SERPINA11: variants seen among roughly 807,000 people sequenced by gnomAD.
SERPINA11 encodes serpin family A member 11.
SERPINA11 carries 28 observed loss-of-function variants against 29.4 expected under a neutral mutation model. That is an observed-to-expected ratio of 0.95 (90% CI 0.70 to 1.30). The LOEUF (loss-of-function observed/expected upper bound fraction) is 1.30, where lower values mean the gene tolerates loss of function less well. SERPINA11 is among the 50% of genes most tolerant of loss of function. The pLI is 0.00. For synonymous variants in SERPINA11, 253 were observed against 206.6 expected (o/e 1.22, Z -1.92); for missense variants, 530 against 507.3 (o/e 1.04, Z -0.43).
At chr14:94,452,441 T>G (rs542745003) in intron 1 of SERPINA11, among the ~76,000 whole-genome samples, 43 of 142,404 alleles carry the variant, frequency 3.0e-4, no homozygotes, top group African/African-American at 1.0e-3. Flanking sequence ...CTTGTCTAAC[T>G]GGCAGGAATA....
Position 94,449,509 on chromosome 14 carries a change from T to TTCTC in SERPINA11, c.-3-733_-3-732insGAGA, listed in dbSNP as rs1376198256. Among the ~76,000 whole-genome samples the TTCTC allele has an allele frequency of 1.4e-4, 18 of 128,218 alleles. 1 individual carries two copies. In the South Asian group the frequency reaches 1.9e-3, roughly 14 times the overall value. The allele number at this position is 128,218 out of a possible 152,430, so 84.1% of individuals were successfully genotyped here. A position where few individuals can be genotyped will look rare whatever the true frequency, so the allele number is the denominator to read the frequency against. ...TCTGTCTGTCTTTCTTTCTCTTTCT[T>TTCTC]TTTCTTTCTTTCTTTCTTTTTCTTT... On this transcript the variant is annotated intron_variant, in intron 1 of 4. Coordinates refer to ENST00000334708, the MANE Select transcript of SERPINA11 (RefSeq NM_001080451.2).
intron 3 of SERPINA11, among the ~76,000 whole-genome samples, chr14:94,445,611 C>A (rs1412458222): frequency 6.6e-6 from 1 of 152,072 alleles, no homozygotes; most frequent in Non-Finnish European, 1.5e-5. Flanking sequence ...CTTTGTTGCC[C>A]AGACTGGAGT....
intron 1 of SERPINA11, among the ~76,000 whole-genome samples, chr14:94,451,284 G>A (rs1296615326): frequency 6.6e-6 from 1 of 152,202 alleles, no homozygotes; most frequent in Non-Finnish European, 1.5e-5. Flanking sequence ...CTGCTATGTT[G>A]AAATGCGTTT....
In SERPINA11 at chr14:94,442,492, G is replaced by T. The variant is rs1437103254; in HGVS notation, c.*114C>A. The T allele has an allele frequency of 4.1e-6, 3 of 727,556 alleles. No homozygotes were observed. Among genetic ancestry groups the T allele is most frequent in the Non-Finnish European group, 6.8e-6 (3 of 443,436 alleles). The allele number at this position is 727,556 out of a possible 1,614,324, so 45.1% of individuals were successfully genotyped here. ...ACAGAACCCAAGGTCAACTTTATTA[G>T]AATCTTGGCACACTGATTAACTGAA... On this transcript the variant is annotated 3_prime_UTR_variant, in exon 5 of 5. Coordinates refer to ENST00000334708, the MANE Select transcript of SERPINA11 (RefSeq NM_001080451.2).
chr14:94,443,028 C>T (rs368118035), intron 4 of SERPINA11, 50 bp downstream of exon 4: 3 of 1,566,386 alleles, frequency 1.9e-6, no homozygotes, highest in South Asian at 2.4e-5. Flanking sequence ...AAAGGAGAAA[C>T]CTCCTACCTA....
In SERPINA11 at chr14:94,446,405, C is replaced by A; in HGVS notation, c.843G>T (p.Pro281=). The change falls in exon 3 of 5, where the codon CCG becomes CCT. Residue 281 remains proline (P), a synonymous_variant. Transcript: ENST00000334708. ...NALALLVLPD[P]GKMKQVEAAL... ...CAGCCTCCACCTGCTTCATTTTCCC[C>A]GGGTCAGGGAGGACCAGCAGCGCCA... 1 of 1,614,100 alleles carries A rather than the reference C, an allele frequency of 6.2e-7. No homozygotes were observed. The highest frequency in any genetic ancestry group is 8.5e-7 in the Non-Finnish European group (1 of 1,179,980).
intron 3 of SERPINA11, among the ~76,000 whole-genome samples, chr14:94,445,549 C>G (rs147693654): frequency 6.6e-6 from 1 of 151,978 alleles, no homozygotes; most frequent in African/African-American, 2.4e-5. Flanking sequence ...AATAGAAGCA[C>G]CCTTTAACAA....
intron 3 of SERPINA11, among the ~76,000 whole-genome samples, chr14:94,443,609 A>G (rs527709991): frequency 6.6e-6 from 1 of 152,308 alleles, no homozygotes; most frequent in South Asian, 2.1e-4. Flanking sequence ...TCCGTATCTG[A>G]TGCATCAGCA....
Position 94,446,341 on chromosome 14 carries a change from G to A in SERPINA11, c.907C>T (p.Leu303Phe), listed in dbSNP as rs1898437329. 1.9e-6 allele frequency: 3 copies of A among 1,612,958 alleles called. No homozygotes were observed. The highest frequency in any genetic ancestry group is 2.5e-6 in the Non-Finnish European group (3 of 1,179,868). ...PQTLRKWGQL[L>F]LPSLLDLHLP... ...TGCTGTGACACTTACCTGGGCAGGA[G>A]CAATTGGCCCCATTTTCTCAGGGTC... The change falls in exon 3 of 5, where the codon CTC (leucine) becomes TTC (phenylalanine). Residue 303 changes from leucine to phenylalanine, a missense_variant. Physicochemically the swap from Leu to Phe is conservative, Grantham distance 22 (BLOSUM62 0). Coordinates refer to ENST00000334708, the MANE Select transcript of SERPINA11 (RefSeq NM_001080451.2).
chr14:94,448,574 T>C lies in SERPINA11; in HGVS notation c.201A>G (p.Ala67=), dbSNP rs778640326. Residue 67 remains alanine, a synonymous_variant, in exon 2 of 5, where the codon GCA becomes GCG. Coordinates refer to ENST00000334708, the MANE Select transcript of SERPINA11 (RefSeq NM_001080451.2). ...AGAAGAAGATGTTTCCGGGGGCGTCTGCTGCCAGCTCTTTATACAAACGCA... is the reference window on the plus strand; with the variant it reads ...AGAAGAAGATGTTTCCGGGGGCGTCCGCTGCCAGCTCTTTATACAAACGCA... ...FALRLYKELA[A]DAPGNIFFSP... The C allele has an allele frequency of 2.5e-6, 4 of 1,614,192 alleles. No individual in the cohort carries two copies. Among genetic ancestry groups the C allele is most frequent in the Non-Finnish European group, 3.4e-6 (4 of 1,180,044 alleles).
intron 1 of SERPINA11, among the ~76,000 whole-genome samples, chr14:94,452,103 C>T (rs952519991): frequency 4.6e-5 from 7 of 152,166 alleles, no homozygotes; most frequent in African/African-American, 1.7e-4. Context: ...TGGGGAACAG[C>T]TGGGCTCCCG....
In SERPINA11 at chr14:94,448,517, C is replaced by T. The variant is rs1358758188; in HGVS notation, c.258G>A (p.Leu86=). 6.2e-7 allele frequency: 1 copy of T among 1,614,166 alleles called. No homozygotes were observed. The highest frequency in any genetic ancestry group is 1.1e-5 in the South Asian group (1 of 91,076). ...TGTTAGCTTGGGCCCCAAGAGAGAG[C>T]AGGGCCAGGGTGGTGGAGATGCTCA... is the stretch of plus-strand genomic sequence containing the variant. ...SPVSISTTLA[L]LSLGAQANTS... The change falls in exon 2 of 5, where the codon CTG becomes CTA. Residue 86 remains leucine (L), a synonymous_variant. Coordinates refer to ENST00000334708, the MANE Select transcript of SERPINA11 (RefSeq NM_001080451.2).
At chr14:94,447,763 G>T (rs1898474343) in intron 2 of SERPINA11, among the ~76,000 whole-genome samples, 1 of 152,022 alleles carries the variant, frequency 6.6e-6, no homozygotes, top group African/African-American at 2.4e-5. Context: ...AGATATGCTA[G>T]TTTTTTTCAA....
At chr14:94,446,630 A>G (rs756666965) in intron 2 of SERPINA11, 26 bp from the exon 3 acceptor site, 3 of 1,595,166 alleles carry the variant, frequency 1.9e-6, no homozygotes, top group Non-Finnish European at 2.6e-6. Flanking sequence ...CCATAAGGCC[A>G]TGAGAACTCT....
In SERPINA11 at chr14:94,449,465, CTT is replaced by C. The variant is rs766309359; in HGVS notation, c.-3-690_-3-689del. 1.5e-3 allele frequency among the ~76,000 whole-genome samples: 170 copies of C among 110,652 alleles called. 7 individuals are homozygous for C. Among genetic ancestry groups the C allele is most frequent in the Middle Eastern group, 8.2e-3 (2 of 244 alleles). 72.6% of individuals were successfully genotyped at this position (110,652 alleles called of 152,430 possible). On this transcript the variant is annotated intron_variant, in intron 1 of 4. Transcript: ENST00000334708. The stretch of plus-strand genomic sequence containing the variant: ...TCTTTCTTTCTTTCTTTCTTTCTTT[CTT>C]TCTTTCTTTCTTTCTGTCTGTCTGT...
chr14:94,449,467 T>G (rs5010308), intron 1 of SERPINA11, among the ~76,000 whole-genome samples: 1,058 of 88,066 alleles, frequency 0.012, 45 homozygotes, highest in African/African-American at 0.053. Context: ...CTTTCTTTCT[T>G]TCTTTCTTTC....
chr14:94,447,063 A>C (rs949781458), intron 2 of SERPINA11, among the ~76,000 whole-genome samples: 6 of 152,214 alleles, frequency 3.9e-5, no homozygotes, highest in Non-Finnish European at 8.8e-5. Flanking sequence ...CTTCTCAACC[A>C]AACTGCCTCT....
intron 2 of SERPINA11, among the ~76,000 whole-genome samples, chr14:94,447,607 G>A (rs1422304041): frequency 1.3e-5 from 2 of 152,140 alleles, no homozygotes; most frequent in African/African-American, 4.8e-5. Flanking sequence ...AATAAAGCTG[G>A]GAGCCCTCAA....
At chr14:94,451,159 C>T (rs77447126) in intron 1 of SERPINA11, among the ~76,000 whole-genome samples, 575 of 152,300 alleles carry the variant, frequency 3.8e-3, no homozygotes, top group African/African-American at 0.013. Context: ...GCAAATGCTG[C>T]GACAGTGAAA....
Sources: allele counts gnomAD v4.1 joint callset (sites outside exome capture counted in the v4.1 genomes callset), GRCh38; gene constraint gnomAD v4.1.1; transcripts MANE v1.5; gene names NCBI Gene and HGNC (gene_info 2026-07-23, HGNC 2026-07-21).